Variants in MALRD1 observed in about 807,000 individuals in gnomAD.
MALRD1 encodes the protein MAM and LDL receptor class A domain containing 1, also known as MAM and LDL-receptor class A domain-containing protein 1.
Under a neutral mutation model 242.1 loss-of-function variants are expected in MALRD1, and 247 were observed. That is an observed-to-expected ratio of 1.02 (90% CI 0.92 to 1.13). MALRD1 has a LOEUF of 1.13. Among genes scored for constraint, MALRD1 ranks in the 50% most tolerant of loss-of-function variants. The pLI is 0.00. For synonymous variants in MALRD1, 995 were observed against 866.6 expected, an observed-to-expected ratio of 1.15 and a Z score of -2.60; for missense variants, 2,989 against 2,533.1, an observed-to-expected ratio of 1.18 and a Z score of -3.86.
chr10:19,238,036 T>C (rs1446423737), intron 18 of MALRD1, among the ~76,000 whole-genome samples: 1 of 65,632 alleles, frequency 1.5e-5, no homozygotes, highest in South Asian at 5.3e-4. Flanking sequence ...TACAGTTATA[T>C]ATAATTCTAT....
At chr10:19,666,183 T>G (rs921127829) in intron 36 of MALRD1, among the ~76,000 whole-genome samples, 8 of 152,196 alleles carry the variant, frequency 5.3e-5, no homozygotes, top group Non-Finnish European at 1.5e-5. Context: ...GATTTGTATC[T>G]TTTACCTGTA....
intron 29 of MALRD1, among the ~76,000 whole-genome samples, chr10:19,484,847 ATTATTTACAAAAGG>A (rs1214999524): frequency 6.6e-6 from 1 of 152,098 alleles, no homozygotes; most frequent in Non-Finnish European, 1.5e-5. Flanking sequence ...AAAAGTAGGC[ATTATTTACAAAAGG>A]TACCTCCATG....
At chr10:19,401,718 A>C (rs10734016) in intron 28 of MALRD1, among the ~76,000 whole-genome samples, 131,793 of 151,820 alleles carry the variant, frequency 0.87, 57,567 homozygotes, top group African/African-American at 0.92. Flanking sequence ...ACAAGATCAC[A>C]GAGAATAAAG....
At chr10:19,123,290 A>C (rs867517564) in intron 5 of MALRD1, among the ~76,000 whole-genome samples, 1 of 148,950 alleles carries the variant, frequency 6.7e-6, no homozygotes, top group East Asian at 2.0e-4. Flanking sequence ...CTCTGTCTCT[A>C]TTTGAGTGGT....
intron 4 of MALRD1, among the ~76,000 whole-genome samples, chr10:19,095,125 A>G (rs187961689): frequency 1.5e-3 from 222 of 152,310 alleles, no homozygotes; most frequent in African/African-American, 5.2e-3. Context: ...TAGATTTAGC[A>G]CTTGCTTAAA....
At chr10:19,673,429 G>C (rs1346194881) in intron 36 of MALRD1, among the ~76,000 whole-genome samples, 1 of 152,052 alleles carries the variant, frequency 6.6e-6, no homozygotes, top group African/African-American at 2.4e-5. Flanking sequence ...TTCCTTATAT[G>C]ATTAGAACTG....
chr10:19,405,659 G>A (rs1847063781), intron 28 of MALRD1, among the ~76,000 whole-genome samples: 2 of 152,136 alleles, frequency 1.3e-5, no homozygotes, highest in African/African-American at 4.8e-5. Flanking sequence ...GAATATGGCT[G>A]TACTCAGAGT....
chr10:19,231,220 T>G (rs1471319784), intron 18 of MALRD1, among the ~76,000 whole-genome samples: 10 of 152,318 alleles, frequency 6.6e-5, no homozygotes, highest in Non-Finnish European at 7.3e-5. Context: ...TCACCCCAGC[T>G]TCTCAGCTCC....
At chr10:19,663,135 A>C (rs528478858) in intron 36 of MALRD1, among the ~76,000 whole-genome samples, 1 of 152,092 alleles carries the variant, frequency 6.6e-6, no homozygotes, top group African/African-American at 2.4e-5. Flanking sequence ...TATAATGGAC[A>C]TTGCACCCAA....
intron 24 of MALRD1, among the ~76,000 whole-genome samples, chr10:19,337,584 T>A (rs1843668299): frequency 6.6e-6 from 1 of 152,160 alleles, no homozygotes; most frequent in Non-Finnish European, 1.5e-5. Flanking sequence ...TTTTGTCCAT[T>A]TTTTTACAGA....
chr10:19,621,806 CG>C (rs1222534722), intron 36 of MALRD1, among the ~76,000 whole-genome samples: 1 of 151,324 alleles, frequency 6.6e-6, no homozygotes, highest in Non-Finnish European at 1.5e-5. Flanking sequence ...CTTTAAGAAA[CG>C]GAAAAAAATT....
intron 32 of MALRD1, among the ~76,000 whole-genome samples, chr10:19,562,332 GATA>G (rs1564442728): frequency 6.8e-6 from 1 of 146,458 alleles, no homozygotes; most frequent in East Asian, 1.9e-4. Context: ...TAGATAGATA[GATA>G]GATAGATAGT....
intron 21 of MALRD1, among the ~76,000 whole-genome samples, chr10:19,311,414 A>T (rs984281889): frequency 4.0e-5 from 6 of 151,432 alleles, no homozygotes; most frequent in African/African-American, 1.5e-4. Context: ...GCTGGTGTTT[A>T]CCTTTTATTC....
intron 31 of MALRD1, among the ~76,000 whole-genome samples, chr10:19,525,731 G>T (rs1048348681): frequency 1.3e-5 from 2 of 152,132 alleles, no homozygotes; most frequent in African/African-American, 4.8e-5. Flanking sequence ...AATATTTGGT[G>T]TCAGTTTGGG....
At chr10:19,726,986 G>C (rs533095409) in intron 38 of MALRD1, among the ~76,000 whole-genome samples, 1 of 152,156 alleles carries the variant, frequency 6.6e-6, no homozygotes, top group Non-Finnish European at 1.5e-5. Flanking sequence ...CTTCAGTTCA[G>C]AGTTATAAAA....
intron 36 of MALRD1, among the ~76,000 whole-genome samples, chr10:19,618,179 C>T (rs968311904): frequency 2.0e-5 from 3 of 151,978 alleles, no homozygotes; most frequent in Non-Finnish European, 2.9e-5. Context: ...TTTTTTAAGG[C>T]TGCATAGTAT....
chr10:19,121,167 C>T (rs1172315649), intron 5 of MALRD1, among the ~76,000 whole-genome samples: 1 of 149,402 alleles, frequency 6.7e-6, no homozygotes, highest in Non-Finnish European at 1.5e-5. Context: ...CCTCAGATTT[C>T]CTGGCTGGGA....
At chr10:19,293,778 G>A (rs1314684135) in intron 21 of MALRD1, among the ~76,000 whole-genome samples, 5 of 152,148 alleles carry the variant, frequency 3.3e-5, no homozygotes, top group Non-Finnish European at 7.3e-5. Context: ...GGAGGAGGAA[G>A]AGAACCAGAA....
chr10:19,699,401 C>T (rs962099200), intron 38 of MALRD1, among the ~76,000 whole-genome samples: 2 of 151,934 alleles, frequency 1.3e-5, no homozygotes, highest in East Asian at 3.9e-4. Context: ...AGTTTACTTT[C>T]AGTCCATTTG....
Sources: gnomAD v4.1 joint callset for allele counts (sites outside exome capture counted in the v4.1 genomes callset) on GRCh38, gnomAD v4.1.1 for gene constraint, MANE v1.5 for transcripts, NCBI Gene and HGNC (gene_info 2026-07-23, HGNC 2026-07-21) for gene names.